RNF169: variants seen among roughly 807,000 people sequenced by gnomAD.
The protein encoded by RNF169 is E3 ubiquitin-protein ligase RNF169.
In RNF169, 24 loss-of-function variants were observed where a neutral mutation model predicts 53.9. The observed-to-expected ratio is 0.45, with a 90% CI of 0.32 to 0.63. The LOEUF (loss-of-function observed/expected upper bound fraction) is 0.63. RNF169 is among the 20% of genes least tolerant of loss of function. The probability of loss-of-function intolerance (pLI) is 0.04; values close to 1 mark genes in which losing one functional copy is unlikely to be tolerated. For missense variants in RNF169, 883 were observed against 906.2 expected (o/e 0.97, Z 0.33); for synonymous variants, 396 against 363.5 (o/e 1.09, Z -1.02).
chr11:74,754,106 T>TA (rs1378822539), intron 1 of RNF169, among the ~76,000 whole-genome samples: 17 of 152,206 alleles, frequency 1.1e-4, no homozygotes, highest in African/African-American at 2.7e-4. Context: ...AATTATGTAA[T>TA]ATGTGTCTAC....
chr11:74,803,336 C>G (rs187414123), intron 2 of RNF169, among the ~76,000 whole-genome samples: 1 of 152,136 alleles, frequency 6.6e-6, no homozygotes, highest in Non-Finnish European at 1.5e-5. Flanking sequence ...CTGCCTGCCT[C>G]GGCCTCCCAA....
chr11:74,804,529 C>T (rs2035778553), intron 2 of RNF169, among the ~76,000 whole-genome samples: 2 of 152,162 alleles, frequency 1.3e-5, no homozygotes, highest in South Asian at 4.1e-4. Flanking sequence ...AACCCACCGC[C>T]ACTGCAACCA....
At chr11:74,796,561 TAACTTTGACTTC>T (rs1323415042) in intron 2 of RNF169, among the ~76,000 whole-genome samples, 1 of 152,248 alleles carries the variant, frequency 6.6e-6, no homozygotes, top group Non-Finnish European at 1.5e-5. Flanking sequence ...GTTAGATGCT[TAACTTTGACTTC>T]ATGGTTCAAT....
chr11:74,754,848 G>T (rs1317781989), intron 1 of RNF169, among the ~76,000 whole-genome samples: 2 of 152,096 alleles, frequency 1.3e-5, no homozygotes, highest in Non-Finnish European at 2.9e-5. Context: ...CACGAAAATT[G>T]AATAGATAAA....
chr11:74,783,428 A>G (rs917121300), intron 1 of RNF169, among the ~76,000 whole-genome samples: 5 of 152,198 alleles, frequency 3.3e-5, no homozygotes, highest in Non-Finnish European at 5.9e-5. Context: ...CCTGTTAAGT[A>G]TAGTAATAGT....
chr11:74,824,566 C>CA (rs1284068086), intron 4 of RNF169, among the ~76,000 whole-genome samples: 1 of 152,154 alleles, frequency 6.6e-6, no homozygotes, highest in African/African-American at 2.4e-5. Flanking sequence ...ATGTTATAAT[C>CA]AAACTGTTGA....
rs915543099 is a variant in RNF169, at chr11:74,839,933, A to G, written c.*3203A>G. 1 of 152,162 alleles carries G rather than the reference A, an allele frequency of 6.6e-6. No individual in the cohort carries two copies. Among genetic ancestry groups the G allele is most frequent in the African/African-American group, 2.4e-5 (1 of 41,434 alleles). 9.4% of individuals were successfully genotyped at this position (152,162 alleles called of 1,614,324 possible). A position where few individuals can be genotyped will look rare whatever the true frequency, so the allele number is the denominator to read the frequency against. ...GCCAGGGAAACTCCTAAGTGGCTTCACTTATTTTTTAAATTTTAATTTAAT... is the reference window on the plus strand; with the variant it reads ...GCCAGGGAAACTCCTAAGTGGCTTCGCTTATTTTTTAAATTTTAATTTAAT... On this transcript the variant is annotated 3_prime_UTR_variant, in exon 6 of 6. Transcript: ENST00000299563.
At chr11:74,798,164 A>G (rs964732750) in intron 2 of RNF169, among the ~76,000 whole-genome samples, 8 of 152,256 alleles carry the variant, frequency 5.3e-5, no homozygotes, top group African/African-American at 1.9e-4. Context: ...AAAGAACAAG[A>G]TAACAGCAAT....
intron 1 of RNF169, among the ~76,000 whole-genome samples, chr11:74,782,325 A>G (rs1354965182): frequency 6.6e-6 from 1 of 152,104 alleles, no homozygotes; most frequent in Non-Finnish European, 1.5e-5. Flanking sequence ...GGGGTCCCCA[A>G]CCCCTGGGCT....
intron 1 of RNF169, among the ~76,000 whole-genome samples, chr11:74,771,275 G>A (rs1372856599): frequency 6.6e-6 from 1 of 152,060 alleles, no homozygotes; most frequent in East Asian, 1.9e-4. Flanking sequence ...ACTACCGATT[G>A]AACATCCCTA....
intron 2 of RNF169, among the ~76,000 whole-genome samples, chr11:74,798,908 G>A (rs1043954971): frequency 1.3e-5 from 2 of 151,920 alleles, no homozygotes; most frequent in Non-Finnish European, 2.9e-5. Context: ...TAAAAAATTA[G>A]CCGGGCATGG....
chr11:74,840,387 A>G lies in RNF169; in HGVS notation c.*3657A>G, dbSNP rs528176098. ...TCTACATTTTAGAGACCCCATTGGT[A>G]TTTGTGAATTTGATTGCACCACCGC... On this transcript the variant is annotated 3_prime_UTR_variant, in exon 6 of 6. Coordinates refer to ENST00000299563, the MANE Select transcript of RNF169 (RefSeq NM_001098638.2). 8.1e-4 allele frequency: 124 copies of G among 152,314 alleles called. No homozygotes were observed. The highest frequency in any genetic ancestry group is 2.9e-3 in the African/African-American group (119 of 41,576). The allele number at this position is 152,314 out of a possible 1,614,324, so 9.4% of individuals were successfully genotyped here.
chr11:74,829,163 C>A (rs2036140070), intron 4 of RNF169, among the ~76,000 whole-genome samples: 1 of 152,010 alleles, frequency 6.6e-6, no homozygotes, highest in South Asian at 2.1e-4. Flanking sequence ...CAAAAGCCAC[C>A]CCAGTAAAAA....
chr11:74,806,122 A>T (rs1271054845), intron 2 of RNF169, among the ~76,000 whole-genome samples: 3 of 152,222 alleles, frequency 2.0e-5, no homozygotes, highest in Non-Finnish European at 4.4e-5. Flanking sequence ...AAAAATATAA[A>T]GAACTCTTAC....
intron 4 of RNF169, among the ~76,000 whole-genome samples, chr11:74,834,356 G>A (rs1399270825): frequency 6.6e-6 from 1 of 152,158 alleles, no homozygotes; most frequent in African/African-American, 2.4e-5. Flanking sequence ...ATTTAACATT[G>A]TATCCACCCT....
chr11:74,766,006 C>G lies in RNF169; in HGVS notation c.502+16624C>G, dbSNP rs1269800594. On this transcript the variant is annotated intron_variant, in intron 1 of 5. Transcript: ENST00000299563. ...ATTGAAAAGATTAAGATCTATAACC[C>G]TAACCTCTGGCAAGATTGATCAAAG... 2.0e-5 allele frequency among the ~76,000 whole-genome samples: 3 copies of G among 151,964 alleles called. No individual in the cohort carries two copies. In the Middle Eastern group the frequency reaches 0.01, roughly 517 times the overall value.
At chr11:74,822,570 G>C (rs1469353918) in intron 4 of RNF169, among the ~76,000 whole-genome samples, 1 of 152,202 alleles carries the variant, frequency 6.6e-6, no homozygotes, top group African/African-American at 2.4e-5. Flanking sequence ...AGTTAGATCA[G>C]TATGCTGTGG....
At chr11:74,823,718 TAGAGTG>T (rs1187229021) in intron 4 of RNF169, among the ~76,000 whole-genome samples, 1 of 127,044 alleles carries the variant, frequency 7.9e-6, no homozygotes, top group African/African-American at 3.1e-5. Flanking sequence ...GCCTAGGCGA[TAGAGTG>T]AGACCCTGTC....
intron 1 of RNF169, among the ~76,000 whole-genome samples, chr11:74,756,962 G>A (rs2034993070): frequency 6.6e-6 from 1 of 152,090 alleles, no homozygotes; most frequent in East Asian, 1.9e-4. Context: ...CAAATACTCA[G>A]AAAAACTGCA....
Sources: allele counts gnomAD v4.1 joint callset (sites outside exome capture counted in the v4.1 genomes callset), GRCh38; gene constraint gnomAD v4.1.1; transcripts MANE v1.5; gene names NCBI Gene and HGNC (gene_info 2026-07-23, HGNC 2026-07-21).